Variants in ARHGAP6 observed in about 807,000 individuals in gnomAD.
The protein encoded by ARHGAP6 is Rho GTPase activating protein 6.
ARHGAP6 carries 16 observed loss-of-function variants against 55.7 expected under a neutral mutation model. That is an observed-to-expected ratio of 0.29 (90% CI 0.19 to 0.44). The LOEUF (loss-of-function observed/expected upper bound fraction) is 0.44. ARHGAP6 is among the 20% of genes least tolerant of loss of function. ARHGAP6 has a pLI of 1.00. For missense variants in ARHGAP6, 698 were observed against 808.9 expected (o/e 0.86, Z 1.66); for synonymous variants, 382 against 360.9 (o/e 1.06, Z -0.66).
chrX:11,454,110 ATTTTTTTTTT>A (rs1187605203), intron 1 of ARHGAP6, among the ~76,000 whole-genome samples: 2 of 76,854 alleles, frequency 2.6e-5, no homozygotes, highest in Admixed American at 1.6e-4. Flanking sequence ...CGCACGGCTA[ATTTTTTTTTT>A]TTTTTTTTTT....
At chrX:11,293,651 T>C (rs1455450487) in intron 1 of ARHGAP6, among the ~76,000 whole-genome samples, 1 of 112,125 alleles carries the variant, frequency 8.9e-6, no homozygotes, top group African/African-American at 3.2e-5. Flanking sequence ...AACTTTATAA[T>C]GCAACAAAGT....
chrX:11,488,836 T>C (rs766719218), intron 1 of ARHGAP6, among the ~76,000 whole-genome samples: 12 of 111,840 alleles, frequency 1.1e-4, no homozygotes, highest in African/African-American at 3.6e-4. Context: ...AACCCTGGTC[T>C]GTAGGAAAAT....
At chrX:11,321,946 G>A (rs1370986976) in intron 1 of ARHGAP6, among the ~76,000 whole-genome samples, 1 of 111,909 alleles carries the variant, frequency 8.9e-6, no homozygotes, top group Non-Finnish European at 1.9e-5. Flanking sequence ...AGTTAAAGTG[G>A]CGCTCTGGAA....
chrX:11,661,907 T>C (rs1278617276), intron 1 of ARHGAP6, among the ~76,000 whole-genome samples: 1 of 111,636 alleles, frequency 9.0e-6, no homozygotes, highest in Non-Finnish European at 1.9e-5. Context: ...TCTGGAGGAG[T>C]GCTACTCGCA....
At chrX:11,573,049 A>G (rs1458515978) in intron 1 of ARHGAP6, among the ~76,000 whole-genome samples, 1 of 110,798 alleles carries the variant, frequency 9.0e-6, no homozygotes, top group Non-Finnish European at 1.9e-5. Context: ...TTTTTCTTGT[A>G]AATTTGTTTG....
intron 1 of ARHGAP6, among the ~76,000 whole-genome samples, chrX:11,575,314 G>A (rs1319735776): frequency 1.8e-5 from 2 of 111,818 alleles, no homozygotes; most frequent in East Asian, 2.8e-4. Flanking sequence ...CAATGCAAAC[G>A]AAAACTAAAT....
intron 1 of ARHGAP6, among the ~76,000 whole-genome samples, chrX:11,488,734 T>G (rs12392161): frequency 0.31 from 34,186 of 110,049 alleles, 3,928 homozygotes; most frequent in Middle Eastern, 0.46. Flanking sequence ...TGTATGCAAG[T>G]GATCTAGGTT....
chrX:11,340,243 C>A (rs2048686537), intron 1 of ARHGAP6, among the ~76,000 whole-genome samples: 1 of 111,926 alleles, frequency 8.9e-6, no homozygotes, highest in African/African-American at 3.3e-5. Context: ...CTCTGCCTAT[C>A]TATCTACAGC....
At chrX:11,170,611 T>C (rs1017690980) in intron 8 of ARHGAP6, among the ~76,000 whole-genome samples, 1 of 111,643 alleles carries the variant, frequency 9.0e-6, no homozygotes, top group Non-Finnish European at 1.9e-5. Context: ...ACCTGGGACA[T>C]ACCACAACAG....
Position 11,654,454 on chromosome X carries a change from T to A in ARHGAP6, c.588+9787A>T, listed in dbSNP as rs1219416734. Among the ~76,000 whole-genome samples, 4 of 112,041 alleles carry A rather than the reference T, an allele frequency of 3.6e-5. No individual in the cohort carries two copies. In the Admixed American group the frequency reaches 3.8e-4, roughly 11 times the overall value. On this transcript the variant is annotated intron_variant, in intron 1 of 12. Transcript: ENST00000337414. Reference sequence around the variant, plus strand: ...TGAGGAGAGCTTCTCAGGCTCAGCATTCTCCTCTTGGATCCATCAGCATAT... The same window carrying A: ...TGAGGAGAGCTTCTCAGGCTCAGCAATCTCCTCTTGGATCCATCAGCATAT...
At chrX:11,646,248 G>A (rs781114414) in intron 1 of ARHGAP6, among the ~76,000 whole-genome samples, 1 of 111,173 alleles carries the variant, frequency 9.0e-6, no homozygotes, top group East Asian at 2.8e-4. Context: ...AATACCCATG[G>A]GTATTACAGG....
At chrX:11,160,165 C>T (rs1361093366) in intron 9 of ARHGAP6, among the ~76,000 whole-genome samples, 1 of 110,340 alleles carries the variant, frequency 9.1e-6, no homozygotes, top group African/African-American at 3.3e-5. Context: ...TAAAAAATTT[C>T]GTGGCTGGGT....
chrX:11,252,680 G>T (rs1218241497), intron 2 of ARHGAP6, among the ~76,000 whole-genome samples: 1 of 112,527 alleles, frequency 8.9e-6, no homozygotes, highest in African/African-American at 3.2e-5. Context: ...AACAAACCGT[G>T]ACAAGAAAGC....
At chrX:11,304,006 C>G (rs907620142) in intron 1 of ARHGAP6, among the ~76,000 whole-genome samples, 11 of 111,818 alleles carry the variant, frequency 9.8e-5, no homozygotes. Flanking sequence ...CCAAAGAGAA[C>G]ACTACCCAGT....
At chrX:11,313,290 C>T (rs755467122) in intron 1 of ARHGAP6, among the ~76,000 whole-genome samples, 45 of 112,238 alleles carry the variant, frequency 4.0e-4, no homozygotes, top group Non-Finnish European at 7.9e-4. Flanking sequence ...CATCAACGGG[C>T]TTCCATTGCA....
At chrX:11,405,257 A>C (rs1234487547) in intron 1 of ARHGAP6, among the ~76,000 whole-genome samples, 1 of 111,800 alleles carries the variant, frequency 8.9e-6, no homozygotes, top group African/African-American at 3.3e-5. Flanking sequence ...AGGTGACCCC[A>C]GTACTGTTGC....
chrX:11,362,832 C>G (rs772630455), intron 1 of ARHGAP6, among the ~76,000 whole-genome samples: 1 of 111,197 alleles, frequency 9.0e-6, no homozygotes, highest in East Asian at 2.8e-4. Flanking sequence ...TTGTAAAATT[C>G]ACTGGGATTA....
intron 1 of ARHGAP6, among the ~76,000 whole-genome samples, chrX:11,255,101 C>G (rs932845588): frequency 6.3e-5 from 7 of 111,712 alleles, no homozygotes; most frequent in African/African-American, 2.0e-4. Flanking sequence ...TATGGAGAGC[C>G]TACCATGTGC....
At chrX:11,530,514 G>C (rs751168745) in intron 1 of ARHGAP6, among the ~76,000 whole-genome samples, 1 of 111,533 alleles carries the variant, frequency 9.0e-6, no homozygotes, top group Non-Finnish European at 1.9e-5. Flanking sequence ...TACCATTCTC[G>C]ATACATACGA....
Sources: allele counts gnomAD v4.1 joint callset (sites outside exome capture counted in the v4.1 genomes callset), GRCh38; gene constraint gnomAD v4.1.1; transcripts MANE v1.5; gene names NCBI Gene and HGNC (gene_info 2026-07-23, HGNC 2026-07-21).